Variants in TRPM6 observed in about 807,000 individuals in gnomAD.
TRPM6 encodes the protein transient receptor potential cation channel subfamily M member 6, also known as channel kinase 2.
In TRPM6, 111 loss-of-function variants were observed where a neutral mutation model predicts 247.6. That is an observed-to-expected ratio of 0.45 (90% CI 0.38 to 0.52). The LOEUF is 0.52. Among genes scored for constraint, TRPM6 ranks in the 20% least tolerant of loss-of-function variants. The pLI, the probability that TRPM6 is intolerant of heterozygous loss-of-function variation, is 0.00. For missense variants in TRPM6, 2,126 were observed against 2,421.5 expected (o/e 0.88, Z 2.56); for synonymous variants, 892 against 853.8 (o/e 1.04, Z -0.78).
chr9:74,829,228 G>T (rs1428854629), intron 6 of TRPM6, among the ~76,000 whole-genome samples: 1 of 152,024 alleles, frequency 6.6e-6, no homozygotes, highest in Non-Finnish European at 1.5e-5. Context: ...GGAGGTGGAG[G>T]TTGCAGTGAG....
At chr9:74,810,758 C>T in intron 13 of TRPM6, 57 bp downstream of exon 13, 6 of 1,515,958 alleles carry the variant, frequency 4.0e-6, no homozygotes, top group Non-Finnish European at 5.5e-6. Context: ...GTGACTCCTC[C>T]AACACAAAGC....
intron 28 of TRPM6, among the ~76,000 whole-genome samples, chr9:74,754,902 A>C (rs1826384383): frequency 6.6e-6 from 1 of 152,190 alleles, no homozygotes; most frequent in African/African-American, 2.4e-5. Flanking sequence ...TATTAAGCTT[A>C]TTAAGAGATA....
At chr9:74,855,081 A>T (rs994761536) in intron 3 of TRPM6, among the ~76,000 whole-genome samples, 1 of 136,522 alleles carries the variant, frequency 7.3e-6, no homozygotes. Context: ...TTCTACTTAC[A>T]AAAGAGAAAG....
intron 3 of TRPM6, among the ~76,000 whole-genome samples, chr9:74,852,626 G>C (rs545872487): frequency 5.3e-4 from 81 of 152,252 alleles, no homozygotes; most frequent in African/African-American, 1.9e-3. Context: ...CGAGTGCCTG[G>C]GATTGCAGGC....
At chr9:74,804,239 G>T (rs544908748) in intron 14 of TRPM6, among the ~76,000 whole-genome samples, 2 of 152,126 alleles carry the variant, frequency 1.3e-5, no homozygotes, top group African/African-American at 2.4e-5. Context: ...AGGCAATAAA[G>T]ATTTACAGTT....
chr9:74,825,769 G>A (rs80118363), intron 7 of TRPM6, among the ~76,000 whole-genome samples: 5 of 152,140 alleles, frequency 3.3e-5, no homozygotes, highest in African/African-American at 4.8e-5. Context: ...AGAACCCCAC[G>A]CAATTTAGGT....
Position 74,724,504 on chromosome 9 carries a change from C to T in TRPM6, c.*109G>A, listed in dbSNP as rs985850282. The T allele has an allele frequency of 3.6e-5, 54 of 1,501,806 alleles. No homozygotes were observed. Among genetic ancestry groups the T allele is most frequent in the African/African-American group, 2.8e-4 (20 of 72,594 alleles). The allele number at this position is 1,501,806 out of a possible 1,614,324, so 93.0% of individuals were successfully genotyped here. A position where few individuals can be genotyped will look rare whatever the true frequency, so the allele number is the denominator to read the frequency against. ...AGAAGGAGATGTGAGGCTCAGAAGG[C>T]GTGTCCCAAGGAGACGCTGATGTAA... On this transcript the variant is annotated 3_prime_UTR_variant, in exon 39 of 39. Transcript: ENST00000360774.
Position 74,827,806 on chromosome 9 carries a change from C to T in TRPM6, c.813G>A (p.Lys271=). The T allele has an allele frequency of 6.2e-7, 1 of 1,614,128 alleles. No individual in the cohort carries two copies. Among genetic ancestry groups the T allele is most frequent in the Non-Finnish European group, 8.5e-7 (1 of 1,180,022 alleles). Residue 271 remains lysine, a synonymous_variant, in exon 7 of 39, where the codon AAG becomes AAA. Coordinates refer to ENST00000360774, the MANE Select transcript of TRPM6 (RefSeq NM_017662.5). ...AGTGTATTTTCTGCAGAGAGAGGTA[C>T]TTCTCCAGGTTCCTTCTGAGCTTCA... ...NEMKLRRNLE[K]YLSLQKIHCR... is the part of the protein sequence containing the mutation.
rs767476501 is a variant in TRPM6, at chr9:74,842,268, T to C, written c.228A>G (p.Lys76=). The C allele has an allele frequency of 6.2e-7, 1 of 1,614,178 alleles. No individual in the cohort carries two copies. The highest frequency in any genetic ancestry group is 1.7e-5 in the Admixed American group (1 of 60,012). The stretch of plus-strand genomic sequence containing the variant: ...TTTCAACAGACCATTGTTCACTTTC[T>C]TTACCCTTGGCAGCTGAGATGGTCC... The part of the protein sequence containing the change: ...YSWTISAAKG[K]ESEQWSVEKH... The change falls in exon 4 of 39, where the codon AAA becomes AAG. Residue 76 remains lysine, a synonymous_variant. Coordinates refer to ENST00000360774, the MANE Select transcript of TRPM6 (RefSeq NM_017662.5).
intron 33 of TRPM6, among the ~76,000 whole-genome samples, chr9:74,740,959 C>A (rs961945018): frequency 6.6e-6 from 1 of 152,038 alleles, no homozygotes; most frequent in African/African-American, 2.4e-5. Context: ...ACCCCAGAGC[C>A]TCTCCTTCCT....
rs553896639 is a variant in TRPM6, at chr9:74,801,948, C to T, written c.1959G>A (p.Lys653=). The stretch of plus-strand genomic sequence containing the variant: ...AGGCATCATCCACCATGTGACTCTC[C>T]TTAGCTTCATGGGCCATTGCCCGGT... ...ILYRAMAHEA[K]ESHMVDDASE... Residue 653 remains lysine, a synonymous_variant, in exon 16 of 39, where the codon AAG becomes AAA. Transcript: ENST00000360774. The T allele has an allele frequency of 6.2e-7, 1 of 1,614,224 alleles. No homozygotes were observed.
intron 6 of TRPM6, among the ~76,000 whole-genome samples, chr9:74,831,485 A>C (rs1268900309): frequency 6.6e-6 from 1 of 152,104 alleles, no homozygotes; most frequent in African/African-American, 2.4e-5. Flanking sequence ...GCAAGACTCC[A>C]TCTCTGGGAA....
intron 2 of TRPM6, among the ~76,000 whole-genome samples, chr9:74,856,612 C>G (rs1830534331): frequency 6.6e-6 from 1 of 151,982 alleles, no homozygotes; most frequent in Non-Finnish European, 1.5e-5. Flanking sequence ...CCTGTCCCAG[C>G]CTTTTGGGAA....
At chr9:74,785,203 T>C (rs1002756439) in intron 21 of TRPM6, among the ~76,000 whole-genome samples, 2 of 152,182 alleles carry the variant, frequency 1.3e-5, no homozygotes, top group Non-Finnish European at 2.9e-5. Context: ...TGATGGTGCA[T>C]GCCTATAGTC....
At chr9:74,754,062 A>G (rs920684745) in intron 28 of TRPM6, among the ~76,000 whole-genome samples, 6 of 150,776 alleles carry the variant, frequency 4.0e-5, no homozygotes, top group African/African-American at 1.5e-4. Context: ...TTTATAAAAA[A>G]TATAATACCT....
chr9:74,823,399 T>C (rs1022934635), intron 7 of TRPM6, among the ~76,000 whole-genome samples: 1 of 152,252 alleles, frequency 6.6e-6, no homozygotes. Context: ...TTTTATACAG[T>C]TATCTAGATT....
Position 74,842,263 on chromosome 9 carries a change from C to T in TRPM6, c.233G>A (p.Ser78Asn), listed in dbSNP as rs1829967025. The T allele has an allele frequency of 1.9e-6, 3 of 1,614,112 alleles. No individual in the cohort carries two copies. The highest frequency in any genetic ancestry group is 2.5e-6 in the Non-Finnish European group (3 of 1,180,024). Residue 78 changes from serine (S) to asparagine (N), a missense_variant, in exon 4 of 39, where the codon AGT becomes AAT. Around this residue, in one of 3 missense-constraint regions of TRPM6, gnomAD observed 1,082 missense variants for 1,307.9 expected, o/e 0.83. Coordinates refer to ENST00000360774, the MANE Select transcript of TRPM6 (RefSeq NM_017662.5). ...GTGCTTTTCAACAGACCATTGTTCA[C>T]TTTCTTTACCCTTGGCAGCTGAGAT... ...WTISAAKGKE[S>N]EQWSVEKHTT...
At position 74,761,807 on chromosome 9, in the gene TRPM6, A is replaced by T; in HGVS notation, c.4674T>A (p.Asn1558Lys). The T allele has an allele frequency of 6.2e-7, 1 of 1,609,474 alleles. No homozygotes were observed. Residue 1558 changes from asparagine to lysine, a missense_variant and splice_region_variant, in exon 27 of 39, where the codon AAT becomes AAA. Physicochemically the swap from Asn to Lys is moderately conservative, Grantham distance 94 (BLOSUM62 0). This residue lies in a region of TRPM6 where 717 missense variants were observed against 715.9 expected (regional missense o/e 1.00). Coordinates refer to ENST00000360774, the MANE Select transcript of TRPM6 (RefSeq NM_017662.5). ...GCCCTATTTCTGAAGAGCCTGAAAG[A>T]TCTGCAAGGAAATGGTCTACATGAG... ...EKLMKICKIK[N>K]LSGSSEIGQG...
intron 13 of TRPM6, among the ~76,000 whole-genome samples, chr9:74,808,900 A>G (rs1159337163): frequency 6.6e-6 from 1 of 152,238 alleles, no homozygotes; most frequent in Non-Finnish European, 1.5e-5. Context: ...TCTATATTTC[A>G]GGGCATATTT....
Sources: gnomAD v4.1 joint callset for allele counts (sites outside exome capture counted in the v4.1 genomes callset) on GRCh38, gnomAD v4.1.1 for gene constraint, gnomAD v4.1.1 regional missense constraint, MANE v1.5 for transcripts, NCBI Gene and HGNC (gene_info 2026-07-23, HGNC 2026-07-21) for gene names.